The following THTPA variants were observed in gnomAD, a reference collection of about 807,000 sequenced individuals.
The protein encoded by THTPA is thiamine triphosphatase.
In THTPA, 16 loss-of-function variants were observed where a neutral mutation model predicts 16.5. That is an observed-to-expected ratio of 0.97 (90% CI 0.66 to 1.47). The LOEUF (loss-of-function observed/expected upper bound fraction) is 1.47. Ranked by LOEUF, THTPA falls within the 40% of genes most tolerant of loss-of-function variation. The pLI is 0.00. For synonymous variants in THTPA, 110 were observed against 115.5 expected, an observed-to-expected ratio of 0.95 and a Z score of 0.30; for missense variants, 281 against 280.9, an observed-to-expected ratio of 1.00 and a Z score of 0.00.
At position 23,559,005 on chromosome 14, in the gene THTPA, T is replaced by C; in HGVS notation, c.*165T>C. 1.2e-6 allele frequency: 1 copy of C among 832,786 alleles called. No individual in the cohort carries two copies. The highest frequency in any genetic ancestry group is 1.8e-6 in the Non-Finnish European group (1 of 549,288). 51.6% of individuals were successfully genotyped at this position (832,786 alleles called of 1,614,324 possible). ...AAGCTACTCTTCCTTGAGCCCTCCC[T>C]GGCTGCTTCCTCTCGCTCATCCGTC... On this transcript the variant is annotated 3_prime_UTR_variant, in exon 2 of 2. Coordinates refer to ENST00000288014, the MANE Select transcript of THTPA (RefSeq NM_024328.6).
rs1882907046 is a variant in THTPA at position 23,558,921 on chromosome 14, T to C, written c.*81T>C. On this transcript the variant is annotated 3_prime_UTR_variant, in exon 2 of 2. Transcript: ENST00000288014. ...GGGCCCACTGTGCCTCTCCCCTCAG[T>C]GTCCCTTCTGACAGTGACTCCTCTC... The C allele has an allele frequency of 1.3e-6, 2 of 1,544,352 alleles. No homozygotes were observed. The highest frequency in any genetic ancestry group is 1.8e-6 in the Non-Finnish European group (2 of 1,134,270).
chr14:23,523,711 C>G, the THTPA span: 7 of 1,536,486 alleles, frequency 4.6e-6, no homozygotes, highest in Non-Finnish European at 6.1e-6. This position sits in a 1 kb window ranked among gnomAD's most constrained non-coding sequence, Gnocchi z 4.1. Flanking sequence ...TCATGATCTT[C>G]AGCTGCAGGC....
At position 23,559,014 on chromosome 14, in the gene THTPA, C is replaced by T. The variant is rs975502036; in HGVS notation, c.*174C>T. 2.7e-6 allele frequency: 2 copies of T among 749,694 alleles called. No individual in the cohort carries two copies. Among genetic ancestry groups the T allele is most frequent in the African/African-American group, 1.8e-5 (1 of 56,394 alleles). 46.4% of individuals were successfully genotyped at this position (749,694 alleles called of 1,614,324 possible). A position where few individuals can be genotyped will look rare whatever the true frequency, so the allele number is the denominator to read the frequency against. On this transcript the variant is annotated 3_prime_UTR_variant, in exon 2 of 2. Transcript: ENST00000288014. Reference sequence around the variant, plus strand: ...TTCCTTGAGCCCTCCCTGGCTGCTTCCTCTCGCTCATCCGTCAGATGCAAT... The same window carrying T: ...TTCCTTGAGCCCTCCCTGGCTGCTTTCTCTCGCTCATCCGTCAGATGCAAT...
At chr14:23,523,795 G>C in the THTPA span, 1 of 1,536,240 alleles carries the variant, frequency 6.5e-7, no homozygotes, top group Non-Finnish European at 8.7e-7. The surrounding 1 kb of genome is among the most constrained non-coding windows in gnomAD (Gnocchi z 4.1). Context: ...GTCCCCCACT[G>C]GTCCCTCCAG....
chr14:23,525,221 T>C, the THTPA span: 1 of 1,536,140 alleles, frequency 6.5e-7, no homozygotes, highest in Non-Finnish European at 8.7e-7. The surrounding 1 kb of genome is among the most constrained non-coding windows in gnomAD (Gnocchi z 5.9). Flanking sequence ...TATGGGCCAG[T>C]GTCCCCCTGC....
the THTPA span, among the ~76,000 whole-genome samples, chr14:23,546,924 A>C: frequency 6.6e-6 from 1 of 152,144 alleles, no homozygotes; most frequent in Non-Finnish European, 1.5e-5. This position sits in a 1 kb window ranked among gnomAD's most constrained non-coding sequence, Gnocchi z 4.7. Flanking sequence ...TATTATAGCC[A>C]GACTGTCCTC....
the THTPA span, among the ~76,000 whole-genome samples, chr14:23,516,560 C>T: frequency 4.0e-4 from 61 of 152,270 alleles, no homozygotes; most frequent in Middle Eastern, 0.014. Context: ...GCTGGCTGCC[C>T]GTGGGTTTCT....
upstream of THTPA, among the ~76,000 whole-genome samples, chr14:23,552,500 T>C (rs1334810521): frequency 6.6e-6 from 1 of 152,026 alleles, no homozygotes; most frequent in African/African-American, 2.4e-5. Flanking sequence ...ACCACGTTGG[T>C]CAAGCTGGTC....
the THTPA span, among the ~76,000 whole-genome samples, chr14:23,542,685 G>C: frequency 3.3e-5 from 5 of 152,008 alleles, no homozygotes; most frequent in Non-Finnish European, 7.4e-5. Flanking sequence ...GATCCTATCT[G>C]ATCCTTGCAT....
At chr14:23,528,818 G>C in the THTPA span, 1 of 985,398 alleles carries the variant, frequency 1.0e-6, no homozygotes, top group Non-Finnish European at 1.2e-6. Context: ...GAGGCTGCCA[G>C]AGGCCCCACC....
the THTPA span, chr14:23,530,208 G>A: frequency 6.6e-7 from 1 of 1,522,092 alleles, no homozygotes. Flanking sequence ...TGTAGGATGG[G>A]GGGAGAGTCA....
chr14:23,543,014 C>A, the THTPA span: 1 of 152,166 alleles, frequency 6.6e-6, no homozygotes. Context: ...TGAGCCACTG[C>A]GCCCGGCTGG....
chr14:23,525,715 C>T, the THTPA span: 49 of 1,519,360 alleles, frequency 3.2e-5, no homozygotes, highest in Non-Finnish European at 4.0e-5. This position sits in a 1 kb window ranked among gnomAD's most constrained non-coding sequence, Gnocchi z 5.9. Flanking sequence ...GCCGCTCCCA[C>T]TCCCGCTCAG....
chr14:23,533,446 C>A, the THTPA span: 15 of 1,532,670 alleles, frequency 9.8e-6, no homozygotes, highest in Non-Finnish European at 1.2e-5. This position sits in a 1 kb window ranked among gnomAD's most constrained non-coding sequence, Gnocchi z 4.8. Flanking sequence ...TTCAGGGGGG[C>A]TAGTGGGGGT....
the THTPA span, among the ~76,000 whole-genome samples, chr14:23,539,885 T>G: frequency 1.3e-5 from 2 of 152,224 alleles, no homozygotes; most frequent in East Asian, 3.8e-4. Flanking sequence ...ACAAAACTCC[T>G]TTTTCTCCAA....
the THTPA span, among the ~76,000 whole-genome samples, chr14:23,519,602 G>A: frequency 0.29 from 44,380 of 151,814 alleles, 7,830 homozygotes; most frequent in African/African-American, 0.5. Context: ...AACTAACTCC[G>A]CCTAATTTGC....
At chr14:23,542,754 T>C in the THTPA span, among the ~76,000 whole-genome samples, 1 of 152,234 alleles carries the variant, frequency 6.6e-6, no homozygotes, top group East Asian at 1.9e-4. Flanking sequence ...TCTTTTTTTT[T>C]TTTGGAGATG....
chr14:23,538,469 C>T, the THTPA span, among the ~76,000 whole-genome samples: 2 of 152,066 alleles, frequency 1.3e-5, no homozygotes, highest in Admixed American at 1.3e-4. Context: ...CTCTCAGAAT[C>T]GCTAGGTCCC....
At position 23,556,957 on chromosome 14, in the gene THTPA, C is replaced by T. The variant is rs776176974; in HGVS notation, c.200C>T (p.Pro67Leu). ...REDSGWELKC[P>L]GAAGVLGPHT... The stretch of plus-strand genomic sequence containing the variant: ...GATAGTGGATGGGAGCTCAAATGTC[C>T]TGGAGCAGCAGGTGTCTTAGGACCC... The change falls in exon 1 of 2, where the codon CCT (proline) becomes CTT (leucine). Residue 67 changes from proline (P) to leucine (L), a missense_variant. Pro to Leu is a moderately conservative substitution (Grantham distance 98, BLOSUM62 -3). Transcript: ENST00000288014. 6.2e-7 allele frequency: 1 copy of T among 1,614,174 alleles called. No individual in the cohort carries two copies. Among genetic ancestry groups the T allele is most frequent in the Non-Finnish European group, 8.5e-7 (1 of 1,180,022 alleles).
Sources: gnomAD v4.1 joint callset for allele counts (sites outside exome capture counted in the v4.1 genomes callset) on GRCh38, gnomAD v4.1.1 for gene constraint, Gnocchi (gnomAD v3.1) non-coding constraint, MANE v1.5 for transcripts, NCBI Gene and HGNC (gene_info 2026-07-23, HGNC 2026-07-21) for gene names.